The following TGIF1 variants were observed in gnomAD, a reference collection of about 807,000 sequenced individuals.
TGIF1 encodes the protein homeobox protein TGIF1.
In TGIF1, 4 loss-of-function variants were observed where a neutral mutation model predicts 19.3. That is an observed-to-expected ratio of 0.21 (90% CI 0.10 to 0.47). The LOEUF (loss-of-function observed/expected upper bound fraction) is 0.47, where lower values mean the gene tolerates loss of function less well. Among genes scored for constraint, TGIF1 ranks in the 20% least tolerant of loss-of-function variants. The pLI is 0.98. For missense variants in TGIF1, 275 were observed against 341.4 expected, an observed-to-expected ratio of 0.81 and a Z score of 1.53; for synonymous variants, 122 against 129.3, an observed-to-expected ratio of 0.94 and a Z score of 0.38.
intron 2 of TGIF1, among the ~76,000 whole-genome samples, chr18:3,432,123 C>CAA (rs751364681): frequency 0.022 from 2,190 of 97,854 alleles, 31 homozygotes; most frequent in Middle Eastern, 0.049. Context: ...ACAAAACTGT[C>CAA]AAAAAAAAAA....
At chr18:3,435,262 G>A (rs867206835) in intron 2 of TGIF1, among the ~76,000 whole-genome samples, 3 of 150,378 alleles carry the variant, frequency 2.0e-5, no homozygotes, top group Non-Finnish European at 4.4e-5. Context: ...GTGTGATCTC[G>A]GCTCACTGCA....
chr18:3,447,863 T>TC (rs1022709176), upstream of TGIF1: 29 of 1,577,234 alleles, frequency 1.8e-5, 1 homozygote, highest in South Asian at 1.9e-4. Flanking sequence ...TCTCCGCCCC[T>TC]CCCCCCTTCT....
At position 3,451,736 on chromosome 18, in the gene TGIF1, A is replaced by C; in HGVS notation, c.16+1231A>C. 8.0e-7 allele frequency: 1 copy of C among 1,243,206 alleles called. No individual in the cohort carries two copies. The highest frequency in any genetic ancestry group is 1.0e-6 in the Non-Finnish European group (1 of 994,604). The allele number at this position is 1,243,206 out of a possible 1,614,324, so 77.0% of individuals were successfully genotyped here. ...CTCCAGGCTTTCCCAGCGAGAGTGA[A>C]ATTAAACTTGAAACTCGGATCAACT... On this transcript the variant is annotated intron_variant, in intron 1 of 2. Coordinates refer to ENST00000343820, the MANE Select transcript of TGIF1 (RefSeq NM_003244.4). This position sits in a 1 kb window ranked among gnomAD's most constrained non-coding sequence, Gnocchi z 5.4.
chr18:3,420,545 T>G (rs2082387437), intron 2 of TGIF1, among the ~76,000 whole-genome samples: 1 of 152,162 alleles, frequency 6.6e-6, no homozygotes, highest in Admixed American at 6.6e-5. Context: ...CTAAATACAT[T>G]AATTAAAAGA....
chr18:3,442,499 C>T (rs2082688146), intron 2 of TGIF1, among the ~76,000 whole-genome samples: 1 of 150,876 alleles, frequency 6.6e-6, no homozygotes, highest in African/African-American at 2.4e-5. Context: ...AGCTTTTAAG[C>T]TAATACAAAA....
intron 2 of TGIF1, among the ~76,000 whole-genome samples, chr18:3,422,687 T>G (rs376055714): frequency 0.66 from 68,287 of 104,130 alleles, 22,631 homozygotes; most frequent in Middle Eastern, 0.74. Flanking sequence ...TTTTTTTTTT[T>G]TTTTTTTTTT....
chr18:3,424,538 A>G (rs2082444643), intron 2 of TGIF1, among the ~76,000 whole-genome samples: 1 of 142,342 alleles, frequency 7.0e-6, no homozygotes, highest in Non-Finnish European at 1.5e-5. Context: ...CTGGCAAGCA[A>G]CTTCTAAAAT....
At chr18:3,416,101 A>T (rs573704491) in intron 1 of TGIF1, among the ~76,000 whole-genome samples, 2 of 152,354 alleles carry the variant, frequency 1.3e-5, no homozygotes, top group African/African-American at 4.8e-5. Flanking sequence ...CTAGCATCAG[A>T]TATCTAGAAA....
Position 3,450,181 on chromosome 18 carries a change from G to T in TGIF1, c.-309G>T. Reference sequence around the variant, plus strand: ...CCTCCTCGCCTCTCTCACTCTGACAGCGCCGAGGTGCGCCGAGCAGGAGCA... The same window carrying T: ...CCTCCTCGCCTCTCTCACTCTGACATCGCCGAGGTGCGCCGAGCAGGAGCA... On this transcript the variant is annotated 5_prime_UTR_variant, in exon 1 of 3. Coordinates refer to ENST00000343820, the MANE Select transcript of TGIF1 (RefSeq NM_003244.4). 1 of 1,332,148 alleles carries T rather than the reference G, an allele frequency of 7.5e-7. No homozygotes were observed. The allele number at this position is 1,332,148 out of a possible 1,614,324, so 82.5% of individuals were successfully genotyped here.
intron 2 of TGIF1, among the ~76,000 whole-genome samples, chr18:3,425,976 C>T (rs1028924527): frequency 3.2e-4 from 49 of 151,980 alleles, no homozygotes; most frequent in African/African-American, 1.1e-3. Flanking sequence ...GCCCTGCCCC[C>T]GCCCCATATT....
chr18:3,451,527 C>T lies in TGIF1; in HGVS notation c.16+1022C>T. 1.3e-5 allele frequency: 13 copies of T among 1,001,862 alleles called. No homozygotes were observed. Among genetic ancestry groups the T allele is most frequent in the Non-Finnish European group, 1.5e-5 (13 of 841,742 alleles). 62.1% of individuals were successfully genotyped at this position (1,001,862 alleles called of 1,614,324 possible). A position where few individuals can be genotyped will look rare whatever the true frequency, so the allele number is the denominator to read the frequency against. ...TGGTTCAAAACAGAAGTTAATCACT[C>T]GGGAAGCGGACGGGAGGGGCGGCGC... On this transcript the variant is annotated intron_variant, in intron 1 of 2. Transcript: ENST00000343820. This position sits in a 1 kb window ranked among gnomAD's most constrained non-coding sequence, Gnocchi z 5.4.
rs375583740 is a variant in TGIF1, at chr18:3,457,385, C to T, written c.264C>T (p.Asn88=). ...STLQVCNWFI[N]ARRRLLPDML... is the part of the protein sequence containing the mutation. ...TTCAGGTCTGTAACTGGTTCATCAACGCCCGCCGCAGGCTCCTCCCTGACA... is the reference window on the plus strand; with the variant it reads ...TTCAGGTCTGTAACTGGTTCATCAATGCCCGCCGCAGGCTCCTCCCTGACA... Residue 88 remains asparagine, a synonymous_variant, in exon 3 of 3, where the codon AAC becomes AAT. Transcript: ENST00000343820. The surrounding 1 kb of genome is among the most constrained non-coding windows in gnomAD (Gnocchi z 4.9). The T allele has an allele frequency of 1.1e-5, 18 of 1,614,086 alleles. No individual in the cohort carries two copies. Among genetic ancestry groups the T allele is most frequent in the East Asian group, 4.5e-5 (2 of 44,892 alleles).
rs1002979256 is a variant in TGIF1 at position 3,451,724 on chromosome 18, C to T, written c.16+1219C>T. 1.9e-5 allele frequency: 23 copies of T among 1,241,208 alleles called. No homozygotes were observed. The highest frequency in any genetic ancestry group is 2.3e-5 in the Non-Finnish European group (23 of 993,180). 76.9% of individuals were successfully genotyped at this position (1,241,208 alleles called of 1,614,324 possible). Reference sequence around the variant, plus strand: ...GCTTCCCTCTGCCTCCAGGCTTTCCCAGCGAGAGTGAAATTAAACTTGAAA... The same window carrying T: ...GCTTCCCTCTGCCTCCAGGCTTTCCTAGCGAGAGTGAAATTAAACTTGAAA... On this transcript the variant is annotated intron_variant, in intron 1 of 2. Coordinates refer to ENST00000343820, the MANE Select transcript of TGIF1 (RefSeq NM_003244.4). This position sits in a 1 kb window ranked among gnomAD's most constrained non-coding sequence, Gnocchi z 5.4.
rs376085124 is a variant in TGIF1, at chr18:3,444,165, G to A, written c.-44-12189G>A. ...TCACCATATGGGCCAGGCTGGTCTC[G>A]AGGTCCTGACCTCATGATCCACCTG... On this transcript the variant is annotated intron_variant, in intron 2 of 3. Coordinates refer to the TGIF1 transcript ENST00000401449. Among the ~76,000 whole-genome samples the A allele has an allele frequency of 2.8e-4, 42 of 151,884 alleles. No individual in the cohort carries two copies. In the South Asian group the frequency reaches 8.3e-3, roughly 30 times the overall value.
At chr18:3,455,001 G>A (rs2083120553) in intron 1 of TGIF1, among the ~76,000 whole-genome samples, 1 of 152,116 alleles carries the variant, frequency 6.6e-6, no homozygotes, top group Admixed American at 6.5e-5. Flanking sequence ...TCCTGTCAAG[G>A]GGAACTGGCT....
intron 2 of TGIF1, among the ~76,000 whole-genome samples, chr18:3,443,940 T>C (rs1007589609): frequency 6.6e-5 from 10 of 150,996 alleles, no homozygotes; most frequent in Non-Finnish European, 1.5e-4. Context: ...TTCTTTCTTT[T>C]TTTTTTTTTT....
At position 3,458,637 on chromosome 18, in the gene TGIF1, T is replaced by C. The variant is rs2049439302; in HGVS notation, c.*697T>C. The C allele has an allele frequency of 6.5e-6, 1 of 153,090 alleles. No individual in the cohort carries two copies. The highest frequency in any genetic ancestry group is 1.5e-5 in the Non-Finnish European group (1 of 68,756). 9.5% of individuals were successfully genotyped at this position (153,090 alleles called of 1,614,324 possible). ...CCCTTAGAGCTTTACTTAAACTGCA[T>C]GGCAAATTGAAATGAATCATTTTAG... On this transcript the variant is annotated 3_prime_UTR_variant, in exon 3 of 3. Coordinates refer to ENST00000343820, the MANE Select transcript of TGIF1 (RefSeq NM_003244.4).
rs530612102 is a variant in TGIF1 at position 3,435,396 on chromosome 18, C to T, written c.-45+17181C>T. Among the ~76,000 whole-genome samples, 11 of 152,152 alleles carry T rather than the reference C, an allele frequency of 7.2e-5. No homozygotes were observed. In the South Asian group the frequency reaches 1.5e-3, roughly 20 times the overall value. On this transcript the variant is annotated intron_variant, in intron 2 of 3. Coordinates refer to the TGIF1 transcript ENST00000401449. ...TATTTTAGTAGAGATGGGGTTTCAC[C>T]GGTGTTGCCCAGGCTGGTCTCGAAC... is the stretch of plus-strand genomic sequence containing the variant.
chr18:3,431,544 C>T (rs763260107), intron 2 of TGIF1, among the ~76,000 whole-genome samples: 4 of 151,988 alleles, frequency 2.6e-5, no homozygotes, highest in African/African-American at 9.7e-5. Flanking sequence ...CTCCACAAAT[C>T]CATACTGATA....
Sources: allele counts gnomAD v4.1 joint callset (sites outside exome capture counted in the v4.1 genomes callset), GRCh38; gene constraint gnomAD v4.1.1; non-coding constraint Gnocchi (gnomAD v3.1); transcripts MANE v1.5; gene names NCBI Gene and HGNC (gene_info 2026-07-23, HGNC 2026-07-21).